The following GREB1 variants were observed in gnomAD, a reference collection of about 807,000 sequenced individuals.
The protein encoded by GREB1 is growth regulating estrogen receptor binding 1.
A neutral mutation model predicts 200.7 loss-of-function variants in GREB1; 106 were observed. That is an observed-to-expected ratio of 0.53 (90% CI 0.45 to 0.62). The LOEUF (loss-of-function observed/expected upper bound fraction) is 0.62. GREB1 is among the 20% of genes least tolerant of loss of function. The pLI, the probability that GREB1 is intolerant of heterozygous loss-of-function variation, is 0.00. For missense variants in GREB1, 2,243 were observed against 2,556.8 expected, an observed-to-expected ratio of 0.88 and a Z score of 2.65; for synonymous variants, 1,132 against 1,092.4, an observed-to-expected ratio of 1.04 and a Z score of -0.72.
At chr2:11,607,737 A>T (rs1230538341) in intron 17 of GREB1, among the ~76,000 whole-genome samples, 1 of 151,926 alleles carries the variant, frequency 6.6e-6, no homozygotes, top group Non-Finnish European at 1.5e-5. Context: ...CACATTGATG[A>T]TACATAGTTA....
At position 11,578,335 on chromosome 2, in the gene GREB1, A is replaced by G. The variant is rs1679095775; in HGVS notation, c.676A>G (p.Ser226Gly). 1.2e-6 allele frequency: 2 copies of G among 1,614,126 alleles called. No individual in the cohort carries two copies. Reference sequence around the variant, plus strand: ...GCAGATCCCCGCCAGTACTTGTTCCAGTTCCCTCTTCCCAGCCCTGGAGAG... The same window carrying G: ...GCAGATCCCCGCCAGTACTTGTTCCGGTTCCCTCTTCCCAGCCCTGGAGAG... The part of the protein sequence containing the change: ...SRQIPASTCS[S>G]SLFPALESTA... The change falls in exon 6 of 33, where the codon AGT becomes GGT. Residue 226 changes from serine (S) to glycine (G), a missense_variant. Physicochemically the swap from Ser to Gly is moderately conservative, Grantham distance 56. Transcript: ENST00000381486.
chr2:11,530,492 G>A (rs1004418222), upstream of GREB1, among the ~76,000 whole-genome samples: 1 of 151,042 alleles, frequency 6.6e-6, no homozygotes, highest in Non-Finnish European at 1.5e-5. Context: ...CGCTTGAACC[G>A]GGAGGCGGAG....
intron 31 of GREB1, 59 bp downstream of exon 31, chr2:11,637,975 G>A: frequency 7.0e-7 from 1 of 1,420,168 alleles, no homozygotes. Flanking sequence ...TAGAACCAAT[G>A]GGCTGGAATC....
Position 11,580,008 on chromosome 2 carries a change from T to A in GREB1, c.773-696T>A, listed in dbSNP as rs1402908000. Among the ~76,000 whole-genome samples the A allele has an allele frequency of 6.6e-6, 1 of 152,164 alleles. No individual in the cohort carries two copies. The highest frequency in any genetic ancestry group is 6.5e-5 in the Admixed American group (1 of 15,272). The stretch of plus-strand genomic sequence containing the variant: ...CTACATGGCTGTGGAGGCCTCACAA[T>A]CATGGCAAAAGGCAAAGGAGAAGCA... On this transcript the variant is annotated intron_variant, in intron 6 of 32. Coordinates refer to ENST00000381486, the MANE Select transcript of GREB1 (RefSeq NM_014668.4). The surrounding 1 kb of genome is among the most constrained non-coding windows in gnomAD (Gnocchi z 4.5).
chr2:11,602,441 C>A lies in GREB1; in HGVS notation c.2565C>A (p.Phe855Leu). 1 of 1,612,946 alleles carries A rather than the reference C, an allele frequency of 6.2e-7. No individual in the cohort carries two copies. Among genetic ancestry groups the A allele is most frequent in the Non-Finnish European group, 8.5e-7 (1 of 1,178,930 alleles). ...VDLYHENKKY[F>L]GLSEFIESTL... is the part of the protein sequence containing the mutation. ...TATATCATGAAAATAAGAAGTACTT[C>A]GGGCTGTCGGAGTTTATTGAATCCA... Residue 855 changes from phenylalanine to leucine, a missense_variant, in exon 17 of 33, where the codon TTC becomes TTA. Transcript: ENST00000381486.
upstream of GREB1, among the ~76,000 whole-genome samples, chr2:11,530,565 C>CA (rs34552685): frequency 0.15 from 14,550 of 96,948 alleles, 1,928 homozygotes; most frequent in African/African-American, 0.37. Flanking sequence ...GACTCGGTCT[C>CA]AAAAAAAAAA....
At position 11,592,875 on chromosome 2, in the gene GREB1, C is replaced by T. The variant is rs1020726842; in HGVS notation, c.1445C>T (p.Pro482Leu). ...GAGATCCGGCAGTACCAGCAGGCGC[C>T]GCCGCAGCCCTTCCCGCCCGCGCCC... The part of the protein sequence containing the change: ...LTEIRQYQQA[P>L]PQPFPPAPSA... The change falls in exon 11 of 33, where the codon CCG becomes CTG. Residue 482 changes from proline to leucine, a missense_variant. By Grantham distance (98) the Pro-to-Leu change is moderately conservative. Coordinates refer to ENST00000381486, the MANE Select transcript of GREB1 (RefSeq NM_014668.4). 8.1e-6 allele frequency: 13 copies of T among 1,598,372 alleles called. No homozygotes were observed. The highest frequency in any genetic ancestry group is 1.4e-5 in the African/African-American group (1 of 73,650).
At chr2:11,499,563 T>C (rs1407102233) in intron 1 of GREB1, among the ~76,000 whole-genome samples, 2 of 152,268 alleles carry the variant, frequency 1.3e-5, no homozygotes, top group African/African-American at 4.8e-5. Flanking sequence ...CTTACATCAG[T>C]CTCTTTTGTT....
At chr2:11,562,015 G>A (rs1030393741) in intron 2 of GREB1, among the ~76,000 whole-genome samples, 2 of 152,012 alleles carry the variant, frequency 1.3e-5, no homozygotes, top group South Asian at 2.1e-4. Flanking sequence ...TGACACTATG[G>A]TACCATCTAC....
chr2:11,616,036 A>G lies in GREB1; in HGVS notation c.3323-595A>G, dbSNP rs559820496. On this transcript the variant is annotated intron_variant, in intron 20 of 32. Coordinates refer to ENST00000381486, the MANE Select transcript of GREB1 (RefSeq NM_014668.4). ...TGTAGCCATCTTTTCGAAGCACGGC[A>G]GAGACTCTGATTTAATTCTTTCATT... is the stretch of plus-strand genomic sequence containing the variant. Among the ~76,000 whole-genome samples the G allele has an allele frequency of 2.6e-5, 4 of 152,378 alleles. No individual in the cohort carries two copies. The South Asian group carries it at 6.2e-4, about 24-fold the overall frequency.
intron 4 of GREB1, 28 bp from the exon 5 acceptor site, chr2:11,576,325 G>A (rs1413015194): frequency 1.9e-6 from 3 of 1,539,304 alleles, no homozygotes; most frequent in East Asian, 2.3e-5. Context: ...AAAAAAGAAA[G>A]ATGTTTATGG....
intron 4 of GREB1, among the ~76,000 whole-genome samples, chr2:11,573,020 C>T (rs898010137): frequency 4.6e-5 from 7 of 152,126 alleles, no homozygotes; most frequent in African/African-American, 1.7e-4. Flanking sequence ...ACTATGAAGC[C>T]GCTGTTGTCG....
chr2:11,562,641 C>G, intron 3 of GREB1, 59 bp downstream of exon 3: 1 of 1,508,918 alleles, frequency 6.6e-7, no homozygotes, highest in Non-Finnish European at 8.9e-7. Flanking sequence ...GAGGCAGTGG[C>G]CAGGCGGGTG....
At chr2:11,617,025 G>T (rs959128502) in intron 21 of GREB1, among the ~76,000 whole-genome samples, 2 of 152,218 alleles carry the variant, frequency 1.3e-5, no homozygotes, top group East Asian at 1.9e-4. Context: ...TGTTAGGGGC[G>T]GGTCCCCGGG....
chr2:11,610,628 G>T, intron 17 of GREB1, 60 bp from the exon 18 acceptor site: 3 of 1,301,214 alleles, frequency 2.3e-6, no homozygotes, highest in Non-Finnish European at 3.2e-6. Context: ...TGGGTGACTT[G>T]GCAGCAGCAG....
intron 1 of GREB1, among the ~76,000 whole-genome samples, chr2:11,545,577 C>A (rs546567894): frequency 6.6e-6 from 1 of 152,314 alleles, no homozygotes; most frequent in Non-Finnish European, 1.5e-5. Flanking sequence ...AAAATGCATC[C>A]TTTTCTGAAG....
In GREB1 at chr2:11,595,340, G is replaced by A. The variant is rs377044340; in HGVS notation, c.1786G>A (p.Val596Ile). Residue 596 changes from valine to isoleucine, a missense_variant, in exon 12 of 33, where the codon GTA becomes ATA. Physicochemically the swap from Val to Ile is conservative, Grantham distance 29. Transcript: ENST00000381486. ...EVNYELVTGKVDSLGAFFSTL... is the reference protein window; with the variant it reads ...EVNYELVTGKIDSLGAFFSTL... ...CAATTACGAGCTGGTTACGGGGAAGGTAGACTCGCTGGGGGCCTTCTTTAG... is the reference window on the plus strand; with the variant it reads ...CAATTACGAGCTGGTTACGGGGAAGATAGACTCGCTGGGGGCCTTCTTTAG... 93 of 1,613,860 alleles carry A rather than the reference G, an allele frequency of 5.8e-5. No homozygotes were observed. The highest frequency in any genetic ancestry group is 7.6e-5 in the Non-Finnish European group (90 of 1,179,904).
chr2:11,614,641 G>T (rs57932839), intron 19 of GREB1, among the ~76,000 whole-genome samples: 3,796 of 151,850 alleles, frequency 0.025, 171 homozygotes, highest in African/African-American at 0.086. Context: ...TCGGCTCACG[G>T]CAAGCTCTGC....
At chr2:11,532,433 C>T (rs186441920), upstream of GREB1, among the ~76,000 whole-genome samples, 6 of 152,332 alleles carry the variant, frequency 3.9e-5, no homozygotes, top group East Asian at 1.2e-3. Flanking sequence ...AACGTCCTCA[C>T]TTTGAGCAAA....
Sources: gnomAD v4.1 joint callset for allele counts (sites outside exome capture counted in the v4.1 genomes callset) on GRCh38, gnomAD v4.1.1 for gene constraint, Gnocchi (gnomAD v3.1) non-coding constraint, MANE v1.5 for transcripts, NCBI Gene and HGNC (gene_info 2026-07-23, HGNC 2026-07-21) for gene names.